The following PSEN1 variants were observed in gnomAD, a reference collection of about 807,000 sequenced individuals.
PSEN1 encodes presenilin 1.
PSEN1 carries 15 observed loss-of-function variants against 53.5 expected under a neutral mutation model. The observed-to-expected ratio is 0.28, with a 90% confidence interval of 0.19 to 0.43. The LOEUF (loss-of-function observed/expected upper bound fraction) is 0.43, where lower values mean the gene tolerates loss of function less well. Ranked by LOEUF, PSEN1 falls within the 20% of genes least tolerant of loss-of-function variation. The pLI is 1.00. For synonymous variants in PSEN1, 208 were observed against 209.8 expected, an observed-to-expected ratio of 0.99 and a Z score of 0.08; for missense variants, 387 against 571.2, an observed-to-expected ratio of 0.68 and a Z score of 3.29.
intron 4 of PSEN1, among the ~76,000 whole-genome samples, chr14:73,171,322 G>T (rs1408184915): frequency 3.3e-5 from 5 of 152,192 alleles, no homozygotes; most frequent in Non-Finnish European, 5.9e-5. Context: ...TTCCACCTCA[G>T]GGCCATTGGG....
intron 5 of PSEN1, among the ~76,000 whole-genome samples, chr14:73,182,153 T>G (rs1451487721): frequency 6.6e-6 from 1 of 152,176 alleles, no homozygotes; most frequent in African/African-American, 2.4e-5. Context: ...TCTGTGTTTC[T>G]TAAGTGTTAC....
rs556259919 is a variant in PSEN1, at chr14:73,175,839, A to G, written c.480+2132A>G. On this transcript the variant is annotated intron_variant, in intron 5 of 11. Coordinates refer to ENST00000324501, the MANE Select transcript of PSEN1 (RefSeq NM_000021.4). ...AGAATTTTTGGGGCAAATTATCTAC[A>G]TATTTATAACTGTCTTGGTATTCAA... Among the ~76,000 whole-genome samples the G allele has an allele frequency of 2.2e-4, 33 of 152,334 alleles. No individual in the cohort carries two copies. The South Asian group carries it at 3.7e-3, about 17-fold the overall frequency.
chr14:73,214,880 G>A (rs1378941418), intron 10 of PSEN1, among the ~76,000 whole-genome samples: 6 of 152,144 alleles, frequency 3.9e-5, no homozygotes, highest in Admixed American at 1.3e-4. Flanking sequence ...ACAATGATAC[G>A]ATTATACCTA....
At chr14:73,163,447 C>T (rs3025777) in intron 3 of PSEN1, among the ~76,000 whole-genome samples, 4,150 of 152,234 alleles carry the variant, frequency 0.027, 188 homozygotes, top group African/African-American at 0.09. Context: ...AACAATCTTA[C>T]AGGAGTCATT....
At chr14:73,206,353 A>G in intron 8 of PSEN1, 33 bp from the exon 9 acceptor site, 1 of 1,521,976 alleles carries the variant, frequency 6.6e-7, no homozygotes, top group Non-Finnish European at 9.1e-7. Flanking sequence ...TTGTGTGTCC[A>G]GTGCTTACCT....
At chr14:73,175,252 G>A (rs1234556254) in intron 5 of PSEN1, among the ~76,000 whole-genome samples, 9 of 152,150 alleles carry the variant, frequency 5.9e-5, no homozygotes, top group African/African-American at 1.7e-4. Context: ...TCAGCCCCCC[G>A]AGTAGCTGGG....
chr14:73,200,910 G>A (rs1436042290), intron 8 of PSEN1, among the ~76,000 whole-genome samples: 1 of 151,978 alleles, frequency 6.6e-6, no homozygotes, highest in Admixed American at 6.6e-5. Context: ...AATCAGCTGG[G>A]TGTGGTGGTG....
chr14:73,170,435 G>A (rs1325173452), intron 3 of PSEN1, among the ~76,000 whole-genome samples: 2 of 152,178 alleles, frequency 1.3e-5, no homozygotes, highest in Non-Finnish European at 2.9e-5. Flanking sequence ...TGCATATGTG[G>A]TCTGAAATCA....
At chr14:73,148,660 C>T (rs142494111) in intron 3 of PSEN1, among the ~76,000 whole-genome samples, 5 of 152,328 alleles carry the variant, frequency 3.3e-5, no homozygotes, top group African/African-American at 7.2e-5. Context: ...AGGCCAGGCA[C>T]GGTGGCTCAT....
At chr14:73,194,241 T>A (rs1397509405) in intron 7 of PSEN1, among the ~76,000 whole-genome samples, 1 of 151,044 alleles carries the variant, frequency 6.6e-6, no homozygotes, top group Non-Finnish European at 1.5e-5. Context: ...GCCATACTCT[T>A]TTTTTTTTCT....
intron 8 of PSEN1, chr14:73,206,146 G>A (rs1899444526): frequency 3.9e-6 from 2 of 513,050 alleles, no homozygotes; most frequent in South Asian, 2.2e-5. Flanking sequence ...TAAAAATGAT[G>A]AAGAGTTTTG....
intron 5 of PSEN1, among the ~76,000 whole-genome samples, chr14:73,180,011 G>A (rs892036944): frequency 6.7e-6 from 1 of 149,416 alleles, no homozygotes; most frequent in Non-Finnish European, 1.5e-5. Flanking sequence ...TTGAGACGGA[G>A]TCTCAGTCTC....
chr14:73,204,762 T>C (rs1899381640), intron 8 of PSEN1, among the ~76,000 whole-genome samples: 1 of 152,194 alleles, frequency 6.6e-6, no homozygotes, highest in Admixed American at 6.5e-5. Context: ...ACAGGCTGGG[T>C]GCAGTGGCTC....
At chr14:73,162,179 CAAA>C (rs539983327) in intron 3 of PSEN1, among the ~76,000 whole-genome samples, 3 of 107,586 alleles carry the variant, frequency 2.8e-5, no homozygotes, top group Admixed American at 9.6e-5. Flanking sequence ...AACTCCATCT[CAAA>C]AAAAAAAAAA....
intron 4 of PSEN1, among the ~76,000 whole-genome samples, chr14:73,173,027 G>A (rs1175929371): frequency 6.6e-6 from 1 of 152,184 alleles, no homozygotes; most frequent in Non-Finnish European, 1.5e-5. Flanking sequence ...GGAGTCAGAA[G>A]TAAAGTCTTT....
chr14:73,222,968 A>G lies in PSEN1; in HGVS notation c.*3679A>G, dbSNP rs551070046. On this transcript the variant is annotated 3_prime_UTR_variant, in exon 12 of 12. Coordinates refer to ENST00000324501, the MANE Select transcript of PSEN1 (RefSeq NM_000021.4). ...TGGTTTTGCCCTTGGGCTGGAAACT[A>G]TCATATAATCATAAGTTTGAGCCTA... 3 of 152,344 alleles carry G rather than the reference A, an allele frequency of 2.0e-5. No individual in the cohort carries two copies. Among genetic ancestry groups the G allele is most frequent in the Admixed American group, 2.0e-4 (3 of 15,300 alleles). 9.4% of individuals were successfully genotyped at this position (152,344 alleles called of 1,614,324 possible).
At chr14:73,207,647 GGT>G (rs1899504963) in intron 9 of PSEN1, among the ~76,000 whole-genome samples, 1 of 152,226 alleles carries the variant, frequency 6.6e-6, no homozygotes, top group East Asian at 1.9e-4. Context: ...GGATCCTTAG[GGT>G]GTGACTTTGC....
intron 11 of PSEN1, among the ~76,000 whole-genome samples, 170 bp downstream of exon 11, chr14:73,217,414 C>T (rs1056769745): frequency 6.6e-6 from 1 of 152,230 alleles, no homozygotes; most frequent in African/African-American, 2.4e-5. Flanking sequence ...CCTGGCCACA[C>T]ATTAGAATCA....
At chr14:73,189,492 A>G (rs1225450297) in intron 6 of PSEN1, among the ~76,000 whole-genome samples, 184 of 149,504 alleles carry the variant, frequency 1.2e-3, no homozygotes, top group South Asian at 4.4e-3. Flanking sequence ...GGTGCCTGTA[A>G]TTCCAGCTAC....
Sources: allele counts gnomAD v4.1 joint callset (sites outside exome capture counted in the v4.1 genomes callset), GRCh38; gene constraint gnomAD v4.1.1; transcripts MANE v1.5; gene names NCBI Gene and HGNC (gene_info 2026-07-23, HGNC 2026-07-21).